ANKS1B: variants seen among roughly 807,000 people sequenced by gnomAD.
ANKS1B encodes ankyrin repeat and sterile alpha motif domain containing 1B.
A neutral mutation model predicts 148.3 loss-of-function variants in ANKS1B; 36 were observed. The ratio of observed to expected loss-of-function variants is 0.24; its 90% CI spans 0.19 to 0.32. ANKS1B has a LOEUF of 0.32. Among genes scored for constraint, ANKS1B ranks in the 10% least tolerant of loss-of-function variants. ANKS1B has a pLI of 1.00. For missense variants in ANKS1B, 1,157 were observed against 1,542.6 expected, an observed-to-expected ratio of 0.75 and a Z score of 4.19; for synonymous variants, 542 against 560.8, an observed-to-expected ratio of 0.97 and a Z score of 0.47.
At chr12:99,732,166 G>A (rs2059226137) in intron 8 of ANKS1B, among the ~76,000 whole-genome samples, 2 of 152,092 alleles carry the variant, frequency 1.3e-5, no homozygotes, top group African/African-American at 4.8e-5. Flanking sequence ...ATATAGCAAG[G>A]GTACAGAGCA....
intron 1 of ANKS1B, among the ~76,000 whole-genome samples, chr12:99,930,246 T>C (rs1158527057): frequency 5.3e-5 from 8 of 152,102 alleles, no homozygotes; most frequent in African/African-American, 1.4e-4. Flanking sequence ...AGGTATTTTA[T>C]TCTCTTTGAA....
chr12:99,936,137 T>C (rs1487415333), intron 1 of ANKS1B, among the ~76,000 whole-genome samples: 1 of 152,034 alleles, frequency 6.6e-6, no homozygotes, highest in Non-Finnish European at 1.5e-5. Flanking sequence ...GCCCTGGATG[T>C]ATGGGGATTA....
chr12:99,235,318 T>G (rs1407224149), intron 14 of ANKS1B, among the ~76,000 whole-genome samples: 1 of 152,156 alleles, frequency 6.6e-6, no homozygotes, highest in African/African-American at 2.4e-5. Context: ...GTTACCTAAG[T>G]CTAGCTGTGG....
At chr12:99,686,195 T>C (rs1422925324) in intron 8 of ANKS1B, among the ~76,000 whole-genome samples, 1 of 152,138 alleles carries the variant, frequency 6.6e-6, no homozygotes, top group African/African-American at 2.4e-5. Flanking sequence ...CTCTGCACTA[T>C]GAGTTGCTAC....
rs1490309732 is a variant in ANKS1B, at chr12:99,452,110, T to C, written c.1439-8301A>G. Among the ~76,000 whole-genome samples the C allele has an allele frequency of 3.9e-5, 6 of 152,154 alleles. No individual in the cohort carries two copies. The East Asian group carries it at 1.2e-3, about 29-fold the overall frequency. ...CAGATGGTAAATATTGTAAGCTCTG[T>C]AAGGCTACATGATCTTTGTTGTAAC... On this transcript the variant is annotated intron_variant, in intron 10 of 26. Transcript: ENST00000683438.
chr12:99,698,044 C>T (rs886314995), intron 8 of ANKS1B, among the ~76,000 whole-genome samples: 2 of 151,838 alleles, frequency 1.3e-5, no homozygotes, highest in African/African-American at 4.8e-5. Flanking sequence ...GTAGAAAGAG[C>T]AGAAGGTATA....
chr12:99,603,677 A>G (rs1037800767), intron 9 of ANKS1B, among the ~76,000 whole-genome samples: 5 of 152,184 alleles, frequency 3.3e-5, no homozygotes, highest in Non-Finnish European at 5.9e-5. Flanking sequence ...AGTAGAAAAA[A>G]AAAGTAAATG....
intron 14 of ANKS1B, among the ~76,000 whole-genome samples, chr12:99,231,654 T>TA (rs533331589): frequency 0.21 from 31,460 of 150,998 alleles, 3,479 homozygotes; most frequent in Middle Eastern, 0.3. Context: ...TAAATACATT[T>TA]AAAAAAAAAT....
At chr12:99,128,037 G>A (rs559643117) in intron 15 of ANKS1B, among the ~76,000 whole-genome samples, 1 of 152,282 alleles carries the variant, frequency 6.6e-6, no homozygotes, top group South Asian at 2.1e-4. Flanking sequence ...CCTTGGGCAA[G>A]TTGTTTAACT....
intron 14 of ANKS1B, among the ~76,000 whole-genome samples, chr12:99,213,229 G>A (rs1185335910): frequency 1.3e-5 from 2 of 152,196 alleles, no homozygotes. Flanking sequence ...CGCACGGCCT[G>A]CTTCTCTCTA....
intron 1 of ANKS1B, among the ~76,000 whole-genome samples, chr12:99,934,795 A>C (rs2094716763): frequency 6.6e-6 from 1 of 152,150 alleles, no homozygotes; most frequent in Admixed American, 6.6e-5. Flanking sequence ...GGATTCTTCA[A>C]ACATCTCACA....
intron 1 of ANKS1B, among the ~76,000 whole-genome samples, chr12:99,957,845 T>C (rs1338620127): frequency 6.6e-6 from 1 of 152,246 alleles, no homozygotes; most frequent in Non-Finnish European, 1.5e-5. Context: ...TGCCCTGTTC[T>C]GTATTTATTC....
chr12:99,694,937 C>G (rs2053664154), intron 8 of ANKS1B, among the ~76,000 whole-genome samples: 1 of 152,128 alleles, frequency 6.6e-6, no homozygotes, highest in Admixed American at 6.5e-5. Context: ...TAAAACCTGC[C>G]TCTCCCAAAC....
At chr12:99,532,577 GT>G (rs2097011149) in intron 9 of ANKS1B, among the ~76,000 whole-genome samples, 2 of 152,084 alleles carry the variant, frequency 1.3e-5, no homozygotes, top group African/African-American at 4.8e-5. Context: ...AGCCAGGATG[GT>G]CTCAATCTCC....
intron 15 of ANKS1B, among the ~76,000 whole-genome samples, chr12:99,108,742 G>A (rs1006786205): frequency 1.3e-5 from 2 of 152,068 alleles, no homozygotes; most frequent in African/African-American, 4.8e-5. Flanking sequence ...CAGAGAAGAG[G>A]ATACAGAGAT....
chr12:99,467,816 C>T (rs924510265), intron 10 of ANKS1B, among the ~76,000 whole-genome samples: 2 of 152,184 alleles, frequency 1.3e-5, no homozygotes, highest in Admixed American at 1.3e-4. Context: ...AAGAACATTC[C>T]ATGCTCATGG....
intron 9 of ANKS1B, among the ~76,000 whole-genome samples, chr12:99,646,689 A>C (rs1166107800): frequency 8.9e-5 from 13 of 145,756 alleles, no homozygotes; most frequent in Non-Finnish European, 1.5e-4. Context: ...AGACTCAACT[A>C]TGGCTATGGC....
chr12:99,481,346 A>C (rs1183366424), intron 10 of ANKS1B, among the ~76,000 whole-genome samples: 1 of 151,890 alleles, frequency 6.6e-6, no homozygotes, highest in Non-Finnish European at 1.5e-5. Context: ...AATTGATGCA[A>C]AATACATTAT....
chr12:99,317,020 T>C (rs1328049197), intron 12 of ANKS1B, among the ~76,000 whole-genome samples: 1 of 152,074 alleles, frequency 6.6e-6, no homozygotes, highest in African/African-American at 2.4e-5. Context: ...CTCTGTTCCA[T>C]TGGTCTGTGT....
Sources: gnomAD v4.1 joint callset for allele counts (sites outside exome capture counted in the v4.1 genomes callset) on GRCh38, gnomAD v4.1.1 for gene constraint, MANE v1.5 for transcripts, NCBI Gene and HGNC (gene_info 2026-07-23, HGNC 2026-07-21) for gene names.